The following PRMT1 variants were observed in gnomAD, a reference collection of about 807,000 sequenced individuals.
The protein encoded by PRMT1 is protein arginine N-methyltransferase 1.
PRMT1 carries 5 observed loss-of-function variants against 47.4 expected under a neutral mutation model. The observed-to-expected ratio is 0.11, with a 90% CI of 0.06 to 0.22. The LOEUF (loss-of-function observed/expected upper bound fraction) is 0.22, where lower values mean the gene tolerates loss of function less well. Among genes scored for constraint, PRMT1 ranks in the 10% least tolerant of loss-of-function variants. PRMT1 has a pLI of 1.00. For missense variants in PRMT1, 249 were observed against 518.4 expected (o/e 0.48, Z 5.05); for synonymous variants, 227 against 204.6 (o/e 1.11, Z -0.94).
rs143994257 is a variant in PRMT1 at position 49,684,810 on chromosome 19, G to A, written c.612G>A (p.Glu204=). The A allele has an allele frequency of 1.5e-3, 2,427 of 1,599,892 alleles. 9 individuals carry two copies. The highest frequency in any genetic ancestry group is 8.3e-3 in the South Asian group (746 of 89,710). The change falls in exon 7 of 11, where the codon GAG becomes GAA. Residue 204 remains glutamate, a synonymous_variant. Coordinates refer to ENST00000454376, the MANE Select transcript of PRMT1 (RefSeq NM_001536.6). This position sits in a 1 kb window ranked among gnomAD's most constrained non-coding sequence, Gnocchi z 6.2. ...CCACGCTGTATGTGACGGCCATCGA[G>A]GACCGGCAGTACAAAGACTACAAGA... is the stretch of plus-strand genomic sequence containing the variant. ...DRATLYVTAI[E]DRQYKDYKIH...
In PRMT1 at chr19:49,685,115, T is replaced by C. The variant is rs1194128189; in HGVS notation, c.759+78T>C. 4 of 1,595,696 alleles carry C rather than the reference T, an allele frequency of 2.5e-6. No homozygotes were observed. Among genetic ancestry groups the C allele is most frequent in the Non-Finnish European group, 3.4e-6 (4 of 1,171,096 alleles). ...CATCACCTGGCCCTGGCATGGGACT[T>C]TGGGGCCCAGAATGTTGGCCTGAGG... On this transcript the variant is annotated intron_variant, in intron 8 of 10. Transcript: ENST00000454376. The surrounding 1 kb of genome is among the most constrained non-coding windows in gnomAD (Gnocchi z 4.7).
intron 1 of PRMT1, among the ~76,000 whole-genome samples, chr19:49,678,494 C>T (rs899546901): frequency 1.3e-5 from 2 of 152,152 alleles, no homozygotes; most frequent in Admixed American, 1.3e-4. Flanking sequence ...CCCTCAGCAC[C>T]TTTCTTCTTA....
chr19:49,687,331 G>T (rs1843907442), intron 10 of PRMT1, among the ~76,000 whole-genome samples: 1 of 152,114 alleles, frequency 6.6e-6, no homozygotes, highest in Non-Finnish European at 1.5e-5. Context: ...GCAGGCAGGA[G>T]GATGGAAGGC....
chr19:49,683,561 A>G lies in PRMT1; in HGVS notation c.413-366A>G, dbSNP rs568301975. 1.6e-4 allele frequency: 29 copies of G among 183,506 alleles called. No individual in the cohort carries two copies. The South Asian group carries it at 1.8e-3, about 11-fold the overall frequency. The allele number at this position is 183,506 out of a possible 1,614,324, so 11.4% of individuals were successfully genotyped here. ...AAATTAGCCGGACTTGGTGGCTGGC[A>G]CCTGTAGTCCCAGCTACTCGGGAGG... On this transcript the variant is annotated intron_variant, in intron 5 of 10. Coordinates refer to ENST00000454376, the MANE Select transcript of PRMT1 (RefSeq NM_001536.6).
Position 49,680,913 on chromosome 19 carries a change from C to T in PRMT1, c.192+325C>T, listed in dbSNP as rs1568485840. ...CGGTGGGACTGCGCCCCGGCTGCTC[C>T]CGCCCTAACAGCTTCTGCACACTTC... On this transcript the variant is annotated intron_variant, in intron 3 of 10. Coordinates refer to ENST00000454376, the MANE Select transcript of PRMT1 (RefSeq NM_001536.6). This position sits in a 1 kb window ranked among gnomAD's most constrained non-coding sequence, Gnocchi z 4.2. 6.6e-6 allele frequency among the ~76,000 whole-genome samples: 1 copy of T among 152,246 alleles called. No individual in the cohort carries two copies.
At chr19:49,686,061 C>T (rs2123005444) in intron 8 of PRMT1, 32 bp from the exon 9 acceptor site, 1 of 1,599,624 alleles carries the variant, frequency 6.3e-7, no homozygotes, top group Non-Finnish European at 8.5e-7. Context: ...GGTGGGGACG[C>T]ATCCCGGAGC....
At position 49,680,427 on chromosome 19, in the gene PRMT1, G is replaced by T; in HGVS notation, c.91-60G>T. 7.2e-7 allele frequency: 1 copy of T among 1,396,284 alleles called. No homozygotes were observed. The highest frequency in any genetic ancestry group is 1.0e-6 in the Non-Finnish European group (1 of 982,562). The allele number at this position is 1,396,284 out of a possible 1,614,324, so 86.5% of individuals were successfully genotyped here. On this transcript the variant is annotated intron_variant, in intron 2 of 10. Coordinates refer to ENST00000454376, the MANE Select transcript of PRMT1 (RefSeq NM_001536.6). This position sits in a 1 kb window ranked among gnomAD's most constrained non-coding sequence, Gnocchi z 4.2. ...TTCAGGGAAAAGTAGGGCGCTGGAG[G>T]TTTAAGAGGCTGTGGGGAGCCCCCA...
Position 49,681,813 on chromosome 19 carries a change from AG to A in PRMT1, c.193-94del. On this transcript the variant is annotated intron_variant, in intron 3 of 10. Coordinates refer to ENST00000454376, the MANE Select transcript of PRMT1 (RefSeq NM_001536.6). This position sits in a 1 kb window ranked among gnomAD's most constrained non-coding sequence, Gnocchi z 4.4. Reference sequence around the variant, plus strand: ...ACTGAGGTGCATGGAAGAAAGCGAGAGGGCCGAGCTCTGGCCCTCCGAGCTC... The same window carrying A: ...ACTGAGGTGCATGGAAGAAAGCGAGAGGCCGAGCTCTGGCCCTCCGAGCTC... 1 of 1,182,918 alleles carries A rather than the reference AG, an allele frequency of 8.5e-7. No individual in the cohort carries two copies. The highest frequency in any genetic ancestry group is 1.1e-6 in the Non-Finnish European group (1 of 872,076). 73.3% of individuals were successfully genotyped at this position (1,182,918 alleles called of 1,614,324 possible).
chr19:49,688,112 G>T lies in PRMT1; in HGVS notation c.1033-50G>T. On this transcript the variant is annotated intron_variant, in intron 10 of 10. Transcript: ENST00000454376. The surrounding 1 kb of genome is among the most constrained non-coding windows in gnomAD (Gnocchi z 5.3). ...CATAGCCTGCCTGCACCCGCCCCCC[G>T]CCACCACCTCCTGGTGGGTTCCGCC... 6.6e-7 allele frequency: 1 copy of T among 1,520,364 alleles called. No homozygotes were observed. The highest frequency in any genetic ancestry group is 9.1e-7 in the Non-Finnish European group (1 of 1,097,696). 94.2% of individuals were successfully genotyped at this position (1,520,364 alleles called of 1,614,324 possible). A position where few individuals can be genotyped will look rare whatever the true frequency, so the allele number is the denominator to read the frequency against.
In PRMT1 at chr19:49,686,261, G is replaced by A; in HGVS notation, c.910+18G>A. ...CTCCACCAGTGAGGCGGGGCCCACA[G>A]GGCTGGGGGCCGTTCCCGAGCCAGG... On this transcript the variant is annotated intron_variant, in intron 9 of 10. Coordinates refer to ENST00000454376, the MANE Select transcript of PRMT1 (RefSeq NM_001536.6). The A allele has an allele frequency of 6.3e-7, 1 of 1,575,912 alleles. No homozygotes were observed. The highest frequency in any genetic ancestry group is 1.7e-4 in the Middle Eastern group (1 of 5,954).
chr19:49,680,110 C>G lies in PRMT1; in HGVS notation c.90+185C>G, dbSNP rs774757189. On this transcript the variant is annotated intron_variant, in intron 2 of 10. Transcript: ENST00000454376. The surrounding 1 kb of genome is among the most constrained non-coding windows in gnomAD (Gnocchi z 4.2). ...AGCCCCCGCTGGCCTCCCCCAGTAT[C>G]GCCGCTACTTCCTTAACTCCACCTC... The G allele has an allele frequency of 1.2e-5, 13 of 1,127,108 alleles. No homozygotes were observed. Among genetic ancestry groups the G allele is most frequent in the African/African-American group, 3.1e-5 (2 of 64,944 alleles). The allele number at this position is 1,127,108 out of a possible 1,614,324, so 69.8% of individuals were successfully genotyped here.
At chr19:49,677,122 C>T (rs535399520), upstream of PRMT1, 3 of 567,450 alleles carry the variant, frequency 5.3e-6, no homozygotes, top group South Asian at 1.2e-4. Flanking sequence ...TAGCCAATTA[C>T]TAGACGGTAT....
intron 5 of PRMT1, 30 bp downstream of exon 5, chr19:49,682,289 G>T: frequency 1.2e-6 from 2 of 1,607,348 alleles, no homozygotes; most frequent in Non-Finnish European, 1.7e-6. Context: ...GGGTTTGTGG[G>T]AGTGGAGGGG....
At position 49,680,361 on chromosome 19, in the gene PRMT1, T is replaced by A; in HGVS notation, c.91-126T>A. 1 of 1,053,264 alleles carries A rather than the reference T, an allele frequency of 9.5e-7. No individual in the cohort carries two copies. The highest frequency in any genetic ancestry group is 1.5e-6 in the Non-Finnish European group (1 of 686,744). 65.2% of individuals were successfully genotyped at this position (1,053,264 alleles called of 1,614,324 possible). ...GGGGCAAGATGGCAGGCGGGGGCTG[T>A]AGGGTTGTCATGGTATGATTTTGGG... On this transcript the variant is annotated intron_variant, in intron 2 of 10. Transcript: ENST00000454376. This position sits in a 1 kb window ranked among gnomAD's most constrained non-coding sequence, Gnocchi z 4.2.
At chr19:49,677,703 G>A (rs1200349102) in intron 1 of PRMT1, 1 of 170,714 alleles carries the variant, frequency 5.9e-6, no homozygotes, top group African/African-American at 2.4e-5. Flanking sequence ...GGCGGGGAGG[G>A]GGTCCGACCC....
Position 49,681,947 on chromosome 19 carries a change from G to A in PRMT1, c.230G>A (p.Arg77His), listed in dbSNP as rs2082124089. The change falls in exon 4 of 11, where the codon CGC becomes CAC. Residue 77 changes from arginine to histidine, a missense_variant. By Grantham distance (29) the Arg-to-His change is conservative. Coordinates refer to ENST00000454376, the MANE Select transcript of PRMT1 (RefSeq NM_001536.6). This position sits in a 1 kb window ranked among gnomAD's most constrained non-coding sequence, Gnocchi z 4.4. ...GACGAGGTGCGCACCCTCACTTACCGCAACTCCATGTTTCATAACCGGCAC... is the reference window on the plus strand; with the variant it reads ...GACGAGGTGCGCACCCTCACTTACCACAACTCCATGTTTCATAACCGGCAC... ...LKDEVRTLTY[R>H]NSMFHNRHLF... is the part of the protein sequence containing the mutation. 1.2e-6 allele frequency: 2 copies of A among 1,614,098 alleles called. No individual in the cohort carries two copies. Among genetic ancestry groups the A allele is most frequent in the Non-Finnish European group, 1.7e-6 (2 of 1,180,002 alleles).
At position 49,688,261 on chromosome 19, in the gene PRMT1, C is replaced by T; in HGVS notation, c.*16C>T. The T allele has an allele frequency of 6.2e-7, 1 of 1,612,660 alleles. No individual in the cohort carries two copies. Among genetic ancestry groups the T allele is most frequent in the Non-Finnish European group, 8.5e-7 (1 of 1,179,186 alleles). The stretch of plus-strand genomic sequence containing the variant: ...GATGCGCTGAGGCCCGGCTCTCCCG[C>T]CCTGCACGAGCCCAGGGGCTGAGCG... On this transcript the variant is annotated 3_prime_UTR_variant, in exon 11 of 11. Transcript: ENST00000454376. The surrounding 1 kb of genome is among the most constrained non-coding windows in gnomAD (Gnocchi z 5.3).
At chr19:49,686,764 A>G in intron 10 of PRMT1, 38 bp downstream of exon 10, 1 of 984,602 alleles carries the variant, frequency 1.0e-6, no homozygotes, top group Non-Finnish European at 1.4e-6. Flanking sequence ...GGTGGCAGCT[A>G]GGGCGGGGAG....
chr19:49,686,784 G>C (rs141919954), intron 10 of PRMT1, 58 bp downstream of exon 10: 63,025 of 1,052,832 alleles, frequency 0.06, 2,767 homozygotes, highest in Non-Finnish European at 0.073. Flanking sequence ...GTGTAGATTG[G>C]GGGGGGAGTG....
Sources: allele counts gnomAD v4.1 joint callset (sites outside exome capture counted in the v4.1 genomes callset), GRCh38; gene constraint gnomAD v4.1.1; non-coding constraint Gnocchi (gnomAD v3.1); transcripts MANE v1.5; gene names NCBI Gene and HGNC (gene_info 2026-07-23, HGNC 2026-07-21).